Variants in ABCC1 observed in about 807,000 individuals in gnomAD.
The protein encoded by ABCC1 is ATP binding cassette subfamily C member 1 (ABCC1 blood group).
A neutral mutation model predicts 172.9 loss-of-function variants in ABCC1; 83 were observed. The observed-to-expected ratio is 0.48, with a 90% CI of 0.40 to 0.58. ABCC1 has a LOEUF of 0.58. Ranked by LOEUF, ABCC1 falls within the 20% of genes least tolerant of loss-of-function variation. The pLI is 0.00. For synonymous variants in ABCC1, 937 were observed against 825.2 expected (o/e 1.14, Z -2.32); for missense variants, 1,817 against 2,002.7 (o/e 0.91, Z 1.77).
chr16:15,967,581 A>G (rs2046272887), intron 1 of ABCC1, among the ~76,000 whole-genome samples: 1 of 147,956 alleles, frequency 6.8e-6, no homozygotes, highest in South Asian at 2.1e-4. Flanking sequence ...TCTCTACAAA[A>G]TAATAATAAT....
At chr16:16,124,755 A>G (rs767395058) in intron 24 of ABCC1, 34 bp from the exon 25 acceptor site, 2 of 1,613,582 alleles carry the variant, frequency 1.2e-6, no homozygotes, top group Non-Finnish European at 1.7e-6. Flanking sequence ...AGCTGACTCC[A>G]TGCCTGTTTG....
rs114757136 is a variant in ABCC1 at position 15,954,166 on chromosome 16, G to A, written c.48+4367G>A. ...GGGATTACAGGCGCACAGCCACCAT[G>A]CCTGGCTAAGTTTTGTATTTTTACA... On this transcript the variant is annotated intron_variant, in intron 1 of 30. Transcript: ENST00000399410. Among the ~76,000 whole-genome samples the A allele has an allele frequency of 5.8e-3, 886 of 151,976 alleles. 8 individuals carry two copies. Among genetic ancestry groups the A allele is most frequent in the African/African-American group, 0.02 (843 of 41,410 alleles).
intron 11 of ABCC1, among the ~76,000 whole-genome samples, chr16:16,053,728 A>G (rs896941308): frequency 7.9e-6 from 1 of 126,550 alleles, no homozygotes; most frequent in Non-Finnish European, 1.6e-5. Flanking sequence ...TCGAAGCTGT[A>G]GTGAGCCATG....
At chr16:16,029,696 C>A (rs974067401) in intron 5 of ABCC1, among the ~76,000 whole-genome samples, 1 of 152,210 alleles carries the variant, frequency 6.6e-6, no homozygotes, top group African/African-American at 2.4e-5. Flanking sequence ...CTAATGATAA[C>A]ATCTGAAAGA....
chr16:16,019,453 T>C (rs1056082965), intron 5 of ABCC1, among the ~76,000 whole-genome samples: 4 of 152,112 alleles, frequency 2.6e-5, no homozygotes, highest in African/African-American at 9.7e-5. Context: ...ACACCTCAAC[T>C]GGGTGGCTGC....
intron 11 of ABCC1, among the ~76,000 whole-genome samples, chr16:16,055,444 G>A (rs1369722636): frequency 6.6e-6 from 1 of 152,080 alleles, no homozygotes; most frequent in Non-Finnish European, 1.5e-5. Context: ...CAGCTACTCA[G>A]GAGGCTGAGG....
At chr16:16,029,315 C>T (rs1166244854) in intron 5 of ABCC1, among the ~76,000 whole-genome samples, 1 of 152,108 alleles carries the variant, frequency 6.6e-6, no homozygotes, top group African/African-American at 2.4e-5. Flanking sequence ...CTCTGCCTCC[C>T]GGGTTCAAGC....
Position 16,111,515 on chromosome 16 carries a change from C to T in ABCC1, c.3012C>T (p.Ile1004=), listed in dbSNP as rs775872077. The T allele has an allele frequency of 8.7e-6, 14 of 1,614,192 alleles. No individual in the cohort carries two copies. The South Asian group carries it at 9.9e-5, about 11-fold the overall frequency. Residue 1004 remains isoleucine, a synonymous_variant, in exon 22 of 31, where the codon ATC becomes ATT. Coordinates refer to ENST00000399410, the MANE Select transcript of ABCC1 (RefSeq NM_004996.4). ...TCAGCCTCTGGACTGATGACCCCAT[C>T]GTCAACGGGACTCAGGAGCACACGA... ...YWLSLWTDDP[I]VNGTQEHTKV...
intron 19 of ABCC1, among the ~76,000 whole-genome samples, chr16:16,091,157 G>A (rs1700644202): frequency 6.6e-6 from 1 of 152,030 alleles, no homozygotes; most frequent in South Asian, 2.1e-4. Flanking sequence ...CAGACGTGGT[G>A]GTTCCCAGCA....
chr16:16,046,104 A>G, intron 9 of ABCC1, 91 bp downstream of exon 9: 5 of 1,431,968 alleles, frequency 3.5e-6, no homozygotes, highest in Non-Finnish European at 2.9e-6. Context: ...GGGGATTTCC[A>G]GCCCAGCTTC....
chr16:16,058,880 T>C (rs1290564301), intron 12 of ABCC1, among the ~76,000 whole-genome samples: 1 of 151,520 alleles, frequency 6.6e-6, no homozygotes, highest in Non-Finnish European at 1.5e-5. Context: ...GGTCTCGAAC[T>C]CCTGACCTCA....
chr16:16,056,037 T>C, intron 11 of ABCC1, 55 bp from the exon 12 acceptor site: 1 of 1,488,056 alleles, frequency 6.7e-7, no homozygotes, highest in Non-Finnish European at 9.4e-7. Context: ...TGATGTTGAG[T>C]GATGGGCTGA....
chr16:16,003,559 G>C (rs1037159170), intron 1 of ABCC1, among the ~76,000 whole-genome samples: 1 of 149,200 alleles, frequency 6.7e-6, no homozygotes, highest in Non-Finnish European at 1.5e-5. Flanking sequence ...GGATGGATGG[G>C]TGAATGAATT....
At chr16:15,984,499 G>A (rs904058032) in intron 1 of ABCC1, among the ~76,000 whole-genome samples, 6 of 150,144 alleles carry the variant, frequency 4.0e-5, no homozygotes, top group Admixed American at 4.0e-4. Flanking sequence ...CTGGAGTGCA[G>A]TGGCGTGATC....
intron 1 of ABCC1, among the ~76,000 whole-genome samples, chr16:15,993,012 C>T (rs932570186): frequency 2.0e-5 from 3 of 152,148 alleles, no homozygotes; most frequent in African/African-American, 7.2e-5. Flanking sequence ...ATGTCATCTG[C>T]CCAGACCGCC....
In ABCC1 at chr16:16,036,467, C is replaced by T. The variant is rs761009552; in HGVS notation, c.678-5C>T. The T allele has an allele frequency of 1.2e-6, 2 of 1,612,092 alleles. No homozygotes were observed. The highest frequency in any genetic ancestry group is 1.3e-5 in the African/African-American group (1 of 74,958). On this transcript the variant is annotated splice_region_variant and splice_polypyrimidine_tract_variant and intron_variant, in intron 6 of 30. Coordinates refer to ENST00000399410, the MANE Select transcript of ABCC1 (RefSeq NM_004996.4). ...TTGCCTAACCCCCTTGTGTCTTGGCCCCAGGTTGATTGTCCGGGGCTACCG... is the reference window on the plus strand; with the variant it reads ...TTGCCTAACCCCCTTGTGTCTTGGCTCCAGGTTGATTGTCCGGGGCTACCG...
chr16:16,067,996 T>C (rs1339307982), intron 12 of ABCC1, among the ~76,000 whole-genome samples, 160 bp from the exon 13 acceptor site: 1 of 149,882 alleles, frequency 6.7e-6, no homozygotes, highest in Non-Finnish European at 1.5e-5. Flanking sequence ...GCACCTGCCA[T>C]GTGCCAGATA....
At chr16:16,125,518 T>A (rs2045390972) in intron 25 of ABCC1, among the ~76,000 whole-genome samples, 1 of 151,310 alleles carries the variant, frequency 6.6e-6, no homozygotes. Flanking sequence ...AACCTCTGCC[T>A]CCTGGGTTCA....
intron 1 of ABCC1, among the ~76,000 whole-genome samples, chr16:15,983,901 C>G (rs2151598258): frequency 6.6e-6 from 1 of 152,214 alleles, no homozygotes; most frequent in Admixed American, 6.6e-5. Flanking sequence ...ATGCCTGGGT[C>G]TGCATTTATT....
Sources: allele counts gnomAD v4.1 joint callset (sites outside exome capture counted in the v4.1 genomes callset), GRCh38; gene constraint gnomAD v4.1.1; transcripts MANE v1.5; gene names NCBI Gene and HGNC (gene_info 2026-07-23, HGNC 2026-07-21).